The following PXDNL variants were observed in gnomAD, a reference collection of about 807,000 sequenced individuals.
PXDNL encodes probable oxidoreductase PXDNL.
PXDNL carries 145 observed loss-of-function variants against 150.8 expected under a neutral mutation model. The observed-to-expected ratio is 0.96, with a 90% CI of 0.84 to 1.10. PXDNL has a LOEUF of 1.10. Among genes scored for constraint, PXDNL ranks in the 50% least tolerant of loss-of-function variants. The probability of loss-of-function intolerance (pLI) is 0.00; values close to 1 mark genes in which losing one functional copy is unlikely to be tolerated. For missense variants in PXDNL, 2,087 were observed against 1,873.9 expected, an observed-to-expected ratio of 1.11 and a Z score of -2.10; for synonymous variants, 757 against 725.7, an observed-to-expected ratio of 1.04 and a Z score of -0.69.
chr8:51,335,297 C>G (rs778627314), intron 21 of PXDNL, among the ~76,000 whole-genome samples: 3 of 152,170 alleles, frequency 2.0e-5, no homozygotes, highest in Non-Finnish European at 4.4e-5. Flanking sequence ...TTTCCTGGAT[C>G]TCTTTCCCTT....
chr8:51,499,603 A>G (rs142076844), intron 5 of PXDNL, 96 bp downstream of exon 5: 18 of 859,704 alleles, frequency 2.1e-5, no homozygotes, highest in African/African-American at 3.3e-5. Flanking sequence ...TCTAAAGCTT[A>G]CAGCAAAGTG....
chr8:51,627,498 A>G (rs1814385246), intron 2 of PXDNL, among the ~76,000 whole-genome samples: 1 of 152,214 alleles, frequency 6.6e-6, no homozygotes, highest in Admixed American at 6.5e-5. Context: ...TATAGTGGCA[A>G]GAAACAGAAG....
At chr8:51,448,935 T>A in intron 11 of PXDNL, 67 bp downstream of exon 11, 1 of 802,414 alleles carries the variant, frequency 1.2e-6, no homozygotes, top group East Asian at 2.7e-5. Flanking sequence ...TTTAAACTAT[T>A]TTTTTTTACT....
rs1305727383 is a variant in PXDNL at position 51,320,908 on chromosome 8, A to T, written c.4147-11T>A. On this transcript the variant is annotated splice_polypyrimidine_tract_variant and intron_variant, in intron 21 of 22. Transcript: ENST00000356297. ...CTCCAGCTTGTTTATCTGAAAGGGG[A>T]GGCAAAGGAAAGAAGAGTGGAAATT... 1.3e-6 allele frequency: 2 copies of T among 1,595,582 alleles called. No homozygotes were observed. The highest frequency in any genetic ancestry group is 1.7e-6 in the Non-Finnish European group (2 of 1,163,804).
intron 4 of PXDNL, among the ~76,000 whole-genome samples, chr8:51,554,031 C>G (rs1010649813): frequency 3.9e-5 from 6 of 152,040 alleles, no homozygotes; most frequent in African/African-American, 1.2e-4. Context: ...GGACTATTTA[C>G]CATTCTGTGA....
At chr8:51,806,417 T>A (rs758173078) in intron 1 of PXDNL, among the ~76,000 whole-genome samples, 2 of 152,210 alleles carry the variant, frequency 1.3e-5, no homozygotes, top group Non-Finnish European at 2.9e-5. Flanking sequence ...GAGAAATTCA[T>A]TCAGCTTCCA....
At chr8:51,735,244 G>A (rs554747272) in intron 1 of PXDNL, among the ~76,000 whole-genome samples, 15 of 152,198 alleles carry the variant, frequency 9.9e-5, no homozygotes, top group African/African-American at 3.1e-4. Context: ...ACTTTGGGAT[G>A]TCGAGGTGAG....
At chr8:51,480,192 C>A (rs781285650) in intron 6 of PXDNL, among the ~76,000 whole-genome samples, 3 of 152,130 alleles carry the variant, frequency 2.0e-5, no homozygotes, top group Non-Finnish European at 4.4e-5. Flanking sequence ...AGAAGAGCAA[C>A]CACAACAAAA....
rs200587284 is a variant in PXDNL at position 51,473,249 on chromosome 8, A to G, written c.695-945T>C. Among the ~76,000 whole-genome samples, 3 of 143,536 alleles carry G rather than the reference A, an allele frequency of 2.1e-5. No individual in the cohort carries two copies. The East Asian group carries it at 6.4e-4, about 31-fold the overall frequency. 94.2% of individuals were successfully genotyped at this position (143,536 alleles called of 152,430 possible). ...AAGGTCTCTGTACCAAGGGGTTTAC[A>G]GTTTCATTGAAGCAGTAGAAAATAA... On this transcript the variant is annotated intron_variant, in intron 7 of 22. Coordinates refer to ENST00000356297, the MANE Select transcript of PXDNL (RefSeq NM_144651.5).
intron 1 of PXDNL, among the ~76,000 whole-genome samples, chr8:51,789,164 G>A (rs1284232839): frequency 2.0e-5 from 3 of 151,224 alleles, no homozygotes. Context: ...GTTGCAAAGA[G>A]TGGCCTATAG....
At chr8:51,521,432 A>G (rs1811661911) in intron 4 of PXDNL, among the ~76,000 whole-genome samples, 3 of 152,152 alleles carry the variant, frequency 2.0e-5, no homozygotes, top group Admixed American at 2.0e-4. Context: ...AACTTGAAAA[A>G]AGTCAACAAA....
At chr8:51,416,002 A>G (rs974220052) in intron 14 of PXDNL, among the ~76,000 whole-genome samples, 1 of 152,022 alleles carries the variant, frequency 6.6e-6, no homozygotes, top group African/African-American at 2.4e-5. Context: ...TCTTAGAAAT[A>G]AAGAAACTAA....
At chr8:51,489,869 A>G (rs1810850336) in intron 5 of PXDNL, among the ~76,000 whole-genome samples, 1 of 152,178 alleles carries the variant, frequency 6.6e-6, no homozygotes. Context: ...TTCAACATGT[A>G]TTCCAGCAGA....
chr8:51,575,359 A>G (rs1001896326), intron 3 of PXDNL, among the ~76,000 whole-genome samples: 31 of 152,184 alleles, frequency 2.0e-4, no homozygotes, highest in Non-Finnish European at 1.0e-4. Flanking sequence ...GAAAATAAAC[A>G]GAAAAAAAAT....
At chr8:51,807,286 C>A (rs1463429721) in intron 1 of PXDNL, among the ~76,000 whole-genome samples, 2 of 152,298 alleles carry the variant, frequency 1.3e-5, no homozygotes, top group South Asian at 2.1e-4. Context: ...GAGAACTTCA[C>A]ATGGCCAGAG....
rs1456952572 is a variant in PXDNL, at chr8:51,601,496, C to T, written c.237-8798G>A. ...AATGCCCTTCTTTGTCTTCATTTTA[C>T]TGTTGTTGATTTAATCTCTGTTTTA... On this transcript the variant is annotated intron_variant, in intron 2 of 22. Transcript: ENST00000356297. Among the ~76,000 whole-genome samples, 2 of 152,078 alleles carry T rather than the reference C, an allele frequency of 1.3e-5. 1 individual carries two copies. Among genetic ancestry groups the T allele is most frequent in the Middle Eastern group, 6.8e-3 (2 of 294 alleles).
chr8:51,582,364 T>C (rs909713291), intron 3 of PXDNL, among the ~76,000 whole-genome samples: 1 of 152,174 alleles, frequency 6.6e-6, no homozygotes, highest in Admixed American at 6.6e-5. Flanking sequence ...TAGTCTATGG[T>C]ATTTTGTTAT....
chr8:51,386,085 G>T lies in PXDNL; in HGVS notation c.3558-11354C>A, dbSNP rs1444907910. Among the ~76,000 whole-genome samples, 3 of 151,182 alleles carry T rather than the reference G, an allele frequency of 2.0e-5. No homozygotes were observed. The East Asian group carries it at 5.8e-4, about 29-fold the overall frequency. The stretch of plus-strand genomic sequence containing the variant: ...ATTCAAGACATTTAACAGAAATGTT[G>T]GGTGATTCATTCTTTTTTTTTTTTG... On this transcript the variant is annotated intron_variant, in intron 17 of 22. Coordinates refer to ENST00000356297, the MANE Select transcript of PXDNL (RefSeq NM_144651.5).
intron 17 of PXDNL, among the ~76,000 whole-genome samples, chr8:51,384,231 G>A (rs1193570994): frequency 6.6e-6 from 1 of 152,110 alleles, no homozygotes; most frequent in Non-Finnish European, 1.5e-5. Flanking sequence ...CAGGATGACT[G>A]CATCAATTTA....
Sources: gnomAD v4.1 joint callset for allele counts (sites outside exome capture counted in the v4.1 genomes callset) on GRCh38, gnomAD v4.1.1 for gene constraint, MANE v1.5 for transcripts, NCBI Gene and HGNC (gene_info 2026-07-23, HGNC 2026-07-21) for gene names.